The following PAQR7 variants were observed in gnomAD, a reference collection of about 807,000 sequenced individuals.
PAQR7 encodes the protein progestin and adipoQ receptor family member 7.
In PAQR7, 14 loss-of-function variants were observed where a neutral mutation model predicts 24.6. The observed-to-expected ratio is 0.57, with a 90% CI of 0.38 to 0.89. The LOEUF is 0.89. Among genes scored for constraint, PAQR7 ranks in the 40% least tolerant of loss-of-function variants. The probability of loss-of-function intolerance (pLI) is 0.00; values close to 1 mark genes in which losing one functional copy is unlikely to be tolerated. For missense variants in PAQR7, 351 were observed against 444.0 expected (o/e 0.79, Z 1.88); for synonymous variants, 189 against 198.8 (o/e 0.95, Z 0.42).
In PAQR7 at chr1:25,862,574, C is replaced by T; in HGVS notation, c.*225G>A. The T allele has an allele frequency of 1.8e-6, 1 of 559,486 alleles. No homozygotes were observed. Among genetic ancestry groups the T allele is most frequent in the South Asian group, 2.3e-5 (1 of 43,930 alleles). 34.7% of individuals were successfully genotyped at this position (559,486 alleles called of 1,614,324 possible). A position where few individuals can be genotyped will look rare whatever the true frequency, so the allele number is the denominator to read the frequency against. On this transcript the variant is annotated 3_prime_UTR_variant, in exon 3 of 3. Coordinates refer to ENST00000675840, the MANE Select transcript of PAQR7 (RefSeq NM_178422.6). ...CCCACACCGTTAACTCTTTCCCTCT[C>T]CCTGGGCAAGGAGCTGGGGCAGGCC...
At position 25,862,598 on chromosome 1, in the gene PAQR7, C is replaced by G; in HGVS notation, c.*201G>C. On this transcript the variant is annotated 3_prime_UTR_variant, in exon 3 of 3. Coordinates refer to ENST00000675840, the MANE Select transcript of PAQR7 (RefSeq NM_178422.6). ...TCCCTGGGCAAGGAGCTGGGGCAGG[C>G]CCAGGAGTGGACCCCAGCAACTCCT... The G allele has an allele frequency of 1.6e-6, 1 of 620,298 alleles. No homozygotes were observed. The highest frequency in any genetic ancestry group is 2.1e-5 in the South Asian group (1 of 48,012). The allele number at this position is 620,298 out of a possible 1,614,324, so 38.4% of individuals were successfully genotyped here. A position where few individuals can be genotyped will look rare whatever the true frequency, so the allele number is the denominator to read the frequency against.
At position 25,867,086 on chromosome 1, in the gene PAQR7, T is replaced by C. The variant is rs539738731; in HGVS notation, c.-22-3225A>G. ...TGTCCCCCAGGTTGGAGCACAGTGG[T>C]ATAATCACAGCTCACTGCAGCCTTG... On this transcript the variant is annotated intron_variant, in intron 2 of 2. Transcript: ENST00000675840. 2.2e-4 allele frequency among the ~76,000 whole-genome samples: 34 copies of C among 152,274 alleles called. No homozygotes were observed. The East Asian group carries it at 2.5e-3, about 11-fold the overall frequency.
rs1438768897 is a variant in PAQR7 at position 25,863,314 on chromosome 1, G to A, written c.526C>T (p.Pro176Ser). The A allele has an allele frequency of 6.2e-7, 1 of 1,614,236 alleles. No homozygotes were observed. Among genetic ancestry groups the A allele is most frequent in the Admixed American group, 1.7e-5 (1 of 60,034 alleles). The stretch of plus-strand genomic sequence containing the variant: ...AGCCAGGCGAGAAAGGCAGCCATGG[G>A]CAGAAAAACAGCCTGCACCTGGGCA... ...WHAQVQAVFL[P>S]MAAFLAWLSC... The change falls in exon 3 of 3, where the codon CCC becomes TCC. Residue 176 changes from proline (P) to serine (S), a missense_variant. Transcript: ENST00000675840. This position sits in a 1 kb window ranked among gnomAD's most constrained non-coding sequence, Gnocchi z 6.1.
chr1:25,873,873 A>ATTCTT (rs1279546231), intron 1 of PAQR7, among the ~76,000 whole-genome samples: 1 of 151,886 alleles, frequency 6.6e-6, no homozygotes, highest in Non-Finnish European at 1.5e-5. Context: ...GCCCAGCCTA[A>ATTCTT]TTCTTTTCTT....
intron 1 of PAQR7, among the ~76,000 whole-genome samples, chr1:25,871,830 G>C (rs2048608068): frequency 2.0e-5 from 3 of 152,128 alleles, no homozygotes. Flanking sequence ...TGTGTGCTGG[G>C]GCACACAGAA....
At chr1:25,866,711 C>CA (rs1303639501) in intron 2 of PAQR7, among the ~76,000 whole-genome samples, 1 of 152,070 alleles carries the variant, frequency 6.6e-6, no homozygotes, top group African/African-American at 2.4e-5. Flanking sequence ...GCTCTGAACT[C>CA]AAGTCTGTTT....
intron 1 of PAQR7, among the ~76,000 whole-genome samples, chr1:25,874,950 G>A (rs1257880543): frequency 2.6e-5 from 4 of 152,126 alleles, no homozygotes; most frequent in African/African-American, 9.7e-5. Context: ...GGATCCCTAA[G>A]TGGGACTCCT....
intron 1 of PAQR7, among the ~76,000 whole-genome samples, chr1:25,873,594 C>T (rs1226276831): frequency 6.6e-6 from 1 of 151,154 alleles, no homozygotes; most frequent in African/African-American, 2.4e-5. Context: ...TATTTCTTTT[C>T]TTGAGATAGG....
rs147122031 is a variant in PAQR7 at position 25,867,186 on chromosome 1, G to C, written c.-22-3325C>G. On this transcript the variant is annotated intron_variant, in intron 2 of 2. Coordinates refer to ENST00000675840, the MANE Select transcript of PAQR7 (RefSeq NM_178422.6). ...CTACAGGTACATGTTACCATGCTCA[G>C]CTGATTTTTTAAATTTATTTTTACT... Among the ~76,000 whole-genome samples the C allele has an allele frequency of 2.0e-5, 3 of 152,036 alleles. No individual in the cohort carries two copies. In the East Asian group the frequency reaches 5.8e-4, roughly 30 times the overall value.
Position 25,875,099 on chromosome 1 carries a change from A to C in PAQR7, c.-109+389T>G, listed in dbSNP as rs1237195463. Among the ~76,000 whole-genome samples, 1 of 149,274 alleles carries C rather than the reference A, an allele frequency of 6.7e-6. No individual in the cohort carries two copies. On this transcript the variant is annotated intron_variant, in intron 1 of 2. Coordinates refer to ENST00000675840, the MANE Select transcript of PAQR7 (RefSeq NM_178422.6). The surrounding 1 kb of genome is among the most constrained non-coding windows in gnomAD (Gnocchi z 5.4). The stretch of plus-strand genomic sequence containing the variant: ...TTGCCCGGGCCAGACGCCCCTACCC[A>C]CTCCCTGCCCTCCATCCTTCATTTT...
At chr1:25,868,709 C>CAAAA (rs35304131) in intron 2 of PAQR7, among the ~76,000 whole-genome samples, 4 of 89,708 alleles carry the variant, frequency 4.5e-5, no homozygotes, top group East Asian at 4.2e-4. Flanking sequence ...GACCCTTTCT[C>CAAAA]AAAAAAAAAA....
At chr1:25,871,376 AG>A (rs2048604444) in intron 1 of PAQR7, 1 of 152,284 alleles carries the variant, frequency 6.6e-6, no homozygotes, top group South Asian at 2.1e-4. Context: ...AGGGCACAAG[AG>A]GGTGAACCAA....
At chr1:25,868,395 A>C (rs1244118922) in intron 2 of PAQR7, among the ~76,000 whole-genome samples, 1 of 152,158 alleles carries the variant, frequency 6.6e-6, no homozygotes, top group Non-Finnish European at 1.5e-5. Flanking sequence ...GAACTTCCCA[A>C]GATATAACAG....
In PAQR7 at chr1:25,868,626, C is replaced by T. The variant is rs184720761; in HGVS notation, c.-23+1983G>A. 2.7e-3 allele frequency among the ~76,000 whole-genome samples: 396 copies of T among 147,858 alleles called. 6 individuals are homozygous for T. Among genetic ancestry groups the T allele is most frequent in the Admixed American group, 0.025 (353 of 14,262 alleles). Reference sequence around the variant, plus strand: ...TTGGGAAGCTGAGGCAGGAAGATCCCTTGAGCCTCAGAGGCAGAGGTTGCC... The same window carrying T: ...TTGGGAAGCTGAGGCAGGAAGATCCTTTGAGCCTCAGAGGCAGAGGTTGCC... On this transcript the variant is annotated intron_variant, in intron 2 of 2. Transcript: ENST00000675840.
chr1:25,872,013 G>C (rs1272704037), intron 1 of PAQR7, among the ~76,000 whole-genome samples: 1 of 152,218 alleles, frequency 6.6e-6, no homozygotes, highest in African/African-American at 2.4e-5. Context: ...TCTCCGGCAG[G>C]CTGTTTCAAG....
intron 2 of PAQR7, among the ~76,000 whole-genome samples, chr1:25,865,144 CAAAA>C (rs57710249): frequency 1.1e-5 from 1 of 95,230 alleles, no homozygotes; most frequent in Admixed American, 1.2e-4. Context: ...GACTCCGTCT[CAAAA>C]AAAAAAAAAA....
intron 2 of PAQR7, among the ~76,000 whole-genome samples, chr1:25,869,017 C>G (rs1202047821): frequency 6.6e-6 from 1 of 151,934 alleles, no homozygotes. Flanking sequence ...GTCCCAGCTA[C>G]TCGGGAAGCT....
chr1:25,865,144 CA>C (rs57710249), intron 2 of PAQR7, among the ~76,000 whole-genome samples: 270 of 95,186 alleles, frequency 2.8e-3, no homozygotes, highest in Non-Finnish European at 3.3e-3. Context: ...GACTCCGTCT[CA>C]AAAAAAAAAA....
chr1:25,870,361 C>T (rs963609308), intron 2 of PAQR7, among the ~76,000 whole-genome samples: 10 of 152,126 alleles, frequency 6.6e-5, no homozygotes, highest in African/African-American at 2.4e-4. Context: ...TGAGCACTTC[C>T]ACAGATGAGG....
Sources: gnomAD v4.1 joint callset for allele counts (sites outside exome capture counted in the v4.1 genomes callset) on GRCh38, gnomAD v4.1.1 for gene constraint, Gnocchi (gnomAD v3.1) non-coding constraint, MANE v1.5 for transcripts, NCBI Gene and HGNC (gene_info 2026-07-23, HGNC 2026-07-21) for gene names.